Variants in LRRC7 observed in about 807,000 individuals in gnomAD.
LRRC7 encodes leucine rich repeat containing 7.
Under a neutral mutation model 175.7 loss-of-function variants are expected in LRRC7, and 23 were observed. That is an observed-to-expected ratio of 0.13 (90% confidence interval 0.09 to 0.19). The LOEUF (loss-of-function observed/expected upper bound fraction) is 0.19. Ranked by LOEUF, LRRC7 falls within the 10% of genes least tolerant of loss-of-function variation. The pLI is 1.00. For synonymous variants in LRRC7, 685 were observed against 680.9 expected (o/e 1.01, Z -0.09); for missense variants, 1,354 against 1,904.7 (o/e 0.71, Z 5.38).
chr1:69,607,317 T>C (rs952431907), intron 1 of LRRC7: 3 of 152,130 alleles, frequency 2.0e-5, no homozygotes, highest in Non-Finnish European at 2.9e-5. Context: ...CTCAGACTCA[T>C]TGCTACTTTC....
intron 9 of LRRC7, among the ~76,000 whole-genome samples, chr1:69,981,542 A>C (rs1653430610): frequency 6.6e-6 from 1 of 152,342 alleles, no homozygotes; most frequent in Non-Finnish European, 1.5e-5. Flanking sequence ...TCTATGAATC[A>C]GAAACTATGC....
intron 25 of LRRC7, among the ~76,000 whole-genome samples, chr1:70,101,874 C>G (rs1275119278): frequency 6.6e-6 from 1 of 152,218 alleles, no homozygotes; most frequent in Non-Finnish European, 1.5e-5. Flanking sequence ...ATGCATGAAT[C>G]CACAGGATCT....
chr1:69,797,717 A>T (rs867078857), intron 4 of LRRC7, among the ~76,000 whole-genome samples: 11 of 152,084 alleles, frequency 7.2e-5, no homozygotes, highest in Admixed American at 2.0e-4. Flanking sequence ...TACCAAACCC[A>T]TTCTCCACAA....
chr1:70,072,052 G>T (rs1180242284), intron 23 of LRRC7, among the ~76,000 whole-genome samples: 1 of 152,082 alleles, frequency 6.6e-6, no homozygotes, highest in Non-Finnish European at 1.5e-5. Context: ...ATTTTCTTGA[G>T]TCTTATAGAT....
intron 25 of LRRC7, among the ~76,000 whole-genome samples, chr1:70,100,858 C>T (rs954619279): frequency 6.6e-6 from 1 of 152,066 alleles, no homozygotes; most frequent in Non-Finnish European, 1.5e-5. Flanking sequence ...TCTCTTGATG[C>T]ATATAAATTT....
chr1:69,623,207 C>T (rs750177663), intron 1 of LRRC7, among the ~76,000 whole-genome samples: 1 of 152,146 alleles, frequency 6.6e-6, no homozygotes, highest in Non-Finnish European at 1.5e-5. Flanking sequence ...AGGAACATGA[C>T]CTTAGGAAAC....
At chr1:69,868,294 A>G (rs1441795174) in intron 7 of LRRC7, among the ~76,000 whole-genome samples, 1 of 152,192 alleles carries the variant, frequency 6.6e-6, no homozygotes, top group Non-Finnish European at 1.5e-5. Context: ...TTAAACAGTT[A>G]TAATGCTCAC....
intron 2 of LRRC7, among the ~76,000 whole-genome samples, chr1:69,748,914 T>G (rs1018023594): frequency 1.3e-5 from 2 of 152,150 alleles, no homozygotes; most frequent in African/African-American, 4.8e-5. Context: ...GTTATTACCT[T>G]ATGAAAGTTA....
intron 1 of LRRC7, among the ~76,000 whole-genome samples, chr1:69,584,257 G>A (rs1440143022): frequency 6.6e-6 from 1 of 152,000 alleles, no homozygotes; most frequent in Non-Finnish European, 1.5e-5. Flanking sequence ...AAATATTTGA[G>A]GTTATTTTGG....
intron 2 of LRRC7, among the ~76,000 whole-genome samples, chr1:69,703,085 C>T (rs1663573320): frequency 6.6e-6 from 1 of 151,830 alleles, no homozygotes; most frequent in Non-Finnish European, 1.5e-5. Context: ...CTTATGAGAC[C>T]CTAGAACAGT....
At chr1:69,712,425 G>A (rs1401037077) in intron 2 of LRRC7, among the ~76,000 whole-genome samples, 1 of 152,122 alleles carries the variant, frequency 6.6e-6, no homozygotes, top group Non-Finnish European at 1.5e-5. Flanking sequence ...CCAACATGGC[G>A]AAACCCTATC....
chr1:70,069,309 G>A (rs892981165), intron 23 of LRRC7, among the ~76,000 whole-genome samples: 8 of 152,132 alleles, frequency 5.3e-5, no homozygotes, highest in Non-Finnish European at 1.0e-4. Context: ...GTGAGTGCAA[G>A]CAGGGGAAAT....
chr1:69,992,556 T>G (rs577323738), intron 10 of LRRC7, among the ~76,000 whole-genome samples: 18 of 152,146 alleles, frequency 1.2e-4, no homozygotes, highest in Non-Finnish European at 2.5e-4. Flanking sequence ...CCTAATTTCA[T>G]CCCAGGGGCA....
At chr1:69,663,770 C>T (rs1457371588) in intron 1 of LRRC7, among the ~76,000 whole-genome samples, 14 of 137,178 alleles carry the variant, frequency 1.0e-4, no homozygotes, top group Non-Finnish European at 3.0e-5. Flanking sequence ...GCCGGACTGC[C>T]GACTGCAGTG....
chr1:69,666,982 C>G (rs1658364380), intron 1 of LRRC7, among the ~76,000 whole-genome samples: 5 of 151,918 alleles, frequency 3.3e-5, no homozygotes. Flanking sequence ...TTGCTTTATC[C>G]CATAGGTTTT....
At chr1:70,071,502 G>T (rs553799262) in intron 23 of LRRC7, among the ~76,000 whole-genome samples, 1 of 152,000 alleles carries the variant, frequency 6.6e-6, no homozygotes, top group Non-Finnish European at 1.5e-5. Flanking sequence ...AAGTTGGGGT[G>T]CCACAGAAAA....
At chr1:69,715,706 A>C (rs1172346087) in intron 2 of LRRC7, among the ~76,000 whole-genome samples, 1 of 152,014 alleles carries the variant, frequency 6.6e-6, no homozygotes, top group Non-Finnish European at 1.5e-5. Context: ...TTATCGATTC[A>C]GAATAATTAG....
chr1:69,585,419 A>G (rs1008833764), intron 1 of LRRC7, among the ~76,000 whole-genome samples: 3 of 152,208 alleles, frequency 2.0e-5, no homozygotes, highest in African/African-American at 7.2e-5. Flanking sequence ...AGAGGAATCC[A>G]GGAAAGTTTT....
At chr1:69,976,295 G>A (rs751057076) in intron 8 of LRRC7, among the ~76,000 whole-genome samples, 2 of 152,196 alleles carry the variant, frequency 1.3e-5, no homozygotes, top group South Asian at 2.1e-4. Context: ...CTTGGAGTCC[G>A]ATGTTTGAGG....
Sources: allele counts gnomAD v4.1 joint callset (sites outside exome capture counted in the v4.1 genomes callset), GRCh38; gene constraint gnomAD v4.1.1; transcripts MANE v1.5; gene names NCBI Gene and HGNC (gene_info 2026-07-23, HGNC 2026-07-21).